The following CPNE4 variants were observed in gnomAD, a reference collection of about 807,000 sequenced individuals.
The protein encoded by CPNE4 is copine-4.
A neutral mutation model predicts 67.9 loss-of-function variants in CPNE4; 25 were observed. The ratio of observed to expected loss-of-function variants is 0.37; its 90% CI spans 0.27 to 0.51. The LOEUF is 0.51. Ranked by LOEUF, CPNE4 falls within the 20% of genes least tolerant of loss-of-function variation. The pLI is 0.93. For missense variants in CPNE4, 464 were observed against 690.8 expected, an observed-to-expected ratio of 0.67 and a Z score of 3.68; for synonymous variants, 242 against 244.9, an observed-to-expected ratio of 0.99 and a Z score of 0.11.
At chr3:131,747,789 C>A (rs766080108) in intron 2 of CPNE4, among the ~76,000 whole-genome samples, 2 of 152,126 alleles carry the variant, frequency 1.3e-5, no homozygotes, top group East Asian at 3.8e-4. Flanking sequence ...ACATTCATTT[C>A]ATATGTAAAT....
At chr3:131,643,931 C>T (rs955298193) in intron 7 of CPNE4, among the ~76,000 whole-genome samples, 1 of 152,142 alleles carries the variant, frequency 6.6e-6, no homozygotes, top group African/African-American at 2.4e-5. Flanking sequence ...AACAGTGACT[C>T]AATTAAACCT....
chr3:131,634,153 CTT>C (rs1321814656), intron 7 of CPNE4, among the ~76,000 whole-genome samples: 1 of 152,106 alleles, frequency 6.6e-6, no homozygotes, highest in Non-Finnish European at 1.5e-5. Context: ...AAAATATACT[CTT>C]ATTCTTTATC....
Position 131,696,604 on chromosome 3 carries a change from C to G in CPNE4, c.445G>C (p.Glu149Gln). ...GKSSITVIAE[E>Q]LSGNDDYVEL... ...ACATAGTCGTCATTGCCAGATAATTCTTCAGCAATCACCTAAAGGAAAAAG... is the reference window on the plus strand; with the variant it reads ...ACATAGTCGTCATTGCCAGATAATTGTTCAGCAATCACCTAAAGGAAAAAG... The change falls in exon 5 of 16, where the codon GAA becomes CAA. Residue 149 changes from glutamate (E) to glutamine (Q), a missense_variant. Glu to Gln is a conservative substitution (Grantham distance 29). Around this residue, in one of 6 missense-constraint regions of CPNE4, gnomAD observed 170 missense variants for 203.3 expected, o/e 0.84. Transcript: ENST00000429747. 1 of 1,613,978 alleles carries G rather than the reference C, an allele frequency of 6.2e-7. No homozygotes were observed. Among genetic ancestry groups the G allele is most frequent in the Non-Finnish European group, 8.5e-7 (1 of 1,179,906 alleles).
intron 1 of CPNE4, among the ~76,000 whole-genome samples, chr3:132,012,293 T>G (rs2073786577): frequency 6.6e-6 from 1 of 151,154 alleles, no homozygotes; most frequent in South Asian, 2.1e-4. Flanking sequence ...CTCAAACTCC[T>G]GAGTAGCTAG....
intron 6 of CPNE4, among the ~76,000 whole-genome samples, chr3:131,670,636 T>C (rs1335896099): frequency 1.3e-5 from 2 of 152,144 alleles, no homozygotes; most frequent in Non-Finnish European, 2.9e-5. Flanking sequence ...AACACAAATT[T>C]CTAGTCCCCA....
At chr3:131,951,987 C>T (rs1242193138) in intron 1 of CPNE4, among the ~76,000 whole-genome samples, 16 of 150,244 alleles carry the variant, frequency 1.1e-4, no homozygotes, top group South Asian at 2.1e-4. Context: ...GCCGCCACCC[C>T]GTCTGGGAAG....
chr3:131,608,876 C>T (rs1031594130), intron 7 of CPNE4, among the ~76,000 whole-genome samples: 3 of 152,048 alleles, frequency 2.0e-5, no homozygotes, highest in Non-Finnish European at 2.9e-5. Flanking sequence ...CTCCCTGACA[C>T]CCCCATTTTC....
intron 1 of CPNE4, among the ~76,000 whole-genome samples, chr3:132,010,640 A>T (rs1184732095): frequency 6.6e-6 from 1 of 152,096 alleles, no homozygotes; most frequent in African/African-American, 2.4e-5. Flanking sequence ...CAGGGAGAAA[A>T]GATTGTCGAT....
chr3:131,657,532 A>ATTTTTTTT (rs55842033), intron 7 of CPNE4, among the ~76,000 whole-genome samples: 1 of 120,216 alleles, frequency 8.3e-6, no homozygotes. Flanking sequence ...AATTATCTGT[A>ATTTTTTTT]TTTTTTTTTT....
At chr3:131,675,740 G>GTT (rs2080542294) in intron 6 of CPNE4, among the ~76,000 whole-genome samples, 1 of 143,094 alleles carries the variant, frequency 7.0e-6, no homozygotes. Context: ...ACTGGATCTT[G>GTT]TTTTTATCCA....
intron 7 of CPNE4, among the ~76,000 whole-genome samples, chr3:131,641,909 G>A (rs913924258): frequency 1.3e-5 from 2 of 152,218 alleles, no homozygotes; most frequent in Non-Finnish European, 2.9e-5. Context: ...TTCAGGAATG[G>A]AAAACCAAAC....
At chr3:131,826,080 T>C (rs2085146803) in intron 2 of CPNE4, among the ~76,000 whole-genome samples, 2 of 152,190 alleles carry the variant, frequency 1.3e-5, no homozygotes. Flanking sequence ...AACATTGTCT[T>C]CCTTCAATAG....
chr3:131,947,874 T>C (rs1472822053), intron 1 of CPNE4, among the ~76,000 whole-genome samples: 2 of 152,182 alleles, frequency 1.3e-5, no homozygotes, highest in African/African-American at 4.8e-5. Flanking sequence ...GTGTTCTTAT[T>C]TATCCATATC....
In CPNE4 at chr3:131,735,136, C is replaced by T. The variant is rs138648902; in HGVS notation, c.181-11511G>A. Reference sequence around the variant, plus strand: ...TTTCATTGTGGTTTTGTTAGTAAGGCCTTTCCCTCACAACATCTGAAACAA... The same window carrying T: ...TTTCATTGTGGTTTTGTTAGTAAGGTCTTTCCCTCACAACATCTGAAACAA... On this transcript the variant is annotated intron_variant, in intron 2 of 15. Transcript: ENST00000429747. 6.6e-5 allele frequency among the ~76,000 whole-genome samples: 10 copies of T among 152,128 alleles called. 1 individual carries two copies. The highest frequency in any genetic ancestry group is 2.4e-4 in the African/African-American group (10 of 41,426).
chr3:131,785,077 A>G (rs1322013877), intron 2 of CPNE4, among the ~76,000 whole-genome samples: 1 of 152,130 alleles, frequency 6.6e-6, no homozygotes, highest in African/African-American at 2.4e-5. Flanking sequence ...GACCTAACTC[A>G]GAGGCTTGGT....
At chr3:131,741,514 G>A (rs1194568517) in intron 2 of CPNE4, among the ~76,000 whole-genome samples, 1 of 152,120 alleles carries the variant, frequency 6.6e-6, no homozygotes, top group Non-Finnish European at 1.5e-5. Context: ...GTGGGGTGAG[G>A]GTTGGGGGCA....
At chr3:131,913,911 A>G (rs1055154663) in intron 1 of CPNE4, among the ~76,000 whole-genome samples, 2 of 152,214 alleles carry the variant, frequency 1.3e-5, no homozygotes, top group Non-Finnish European at 2.9e-5. Context: ...AATCCACATA[A>G]AAGTCTTCAG....
chr3:132,003,108 T>C (rs909188011), intron 1 of CPNE4, among the ~76,000 whole-genome samples: 2 of 152,142 alleles, frequency 1.3e-5, no homozygotes, highest in African/African-American at 4.8e-5. Flanking sequence ...TGAAACACAT[T>C]GTCACAGACA....
chr3:131,968,151 T>C (rs2072403025), intron 1 of CPNE4, among the ~76,000 whole-genome samples: 1 of 152,052 alleles, frequency 6.6e-6, no homozygotes, highest in South Asian at 2.1e-4. Context: ...AACTGGCTAG[T>C]GATATTCAGA....
Sources: allele counts gnomAD v4.1 joint callset (sites outside exome capture counted in the v4.1 genomes callset), GRCh38; gene constraint gnomAD v4.1.1; regional missense constraint gnomAD v4.1.1; transcripts MANE v1.5; gene names NCBI Gene and HGNC (gene_info 2026-07-23, HGNC 2026-07-21).